The following UVRAG variants were observed in gnomAD, a reference collection of about 807,000 sequenced individuals.
UVRAG encodes the protein UV radiation resistance-associated gene protein.
Under a neutral mutation model 78.0 loss-of-function variants are expected in UVRAG, and 19 were observed. The ratio of observed to expected loss-of-function variants is 0.24; its 90% CI spans 0.17 to 0.36. The LOEUF is 0.36. UVRAG is among the 10% of genes least tolerant of loss of function. The pLI, the probability that UVRAG is intolerant of heterozygous loss-of-function variation, is 1.00. For missense variants in UVRAG, 740 were observed against 853.8 expected, an observed-to-expected ratio of 0.87 and a Z score of 1.66; for synonymous variants, 323 against 324.6, an observed-to-expected ratio of 1.00 and a Z score of 0.05.
At chr11:75,939,376 T>C (rs112795335) in intron 6 of UVRAG, among the ~76,000 whole-genome samples, 11 of 152,304 alleles carry the variant, frequency 7.2e-5, no homozygotes, top group South Asian at 2.1e-4. Context: ...GGGAGTTAGA[T>C]TCATATGATC....
intron 8 of UVRAG, among the ~76,000 whole-genome samples, chr11:75,996,040 A>G (rs932104124): frequency 6.6e-6 from 1 of 152,042 alleles, no homozygotes; most frequent in East Asian, 1.9e-4. Flanking sequence ...CAAACTTCTG[A>G]TTTTATTTCA....
chr11:76,062,282 T>C (rs1323073614), intron 12 of UVRAG, among the ~76,000 whole-genome samples: 1 of 152,196 alleles, frequency 6.6e-6, no homozygotes, highest in Admixed American at 6.5e-5. Context: ...TAAGTTAACT[T>C]AGGTCCCAAG....
chr11:76,128,701 C>T (rs1413757747), intron 14 of UVRAG, among the ~76,000 whole-genome samples: 2 of 152,082 alleles, frequency 1.3e-5, no homozygotes, highest in Non-Finnish European at 2.9e-5. Flanking sequence ...ACTGCAACCT[C>T]GAACTCCTGG....
intron 14 of UVRAG, among the ~76,000 whole-genome samples, chr11:76,120,057 TCTTC>T (rs1474961357): frequency 6.6e-6 from 1 of 152,170 alleles, no homozygotes; most frequent in Non-Finnish European, 1.5e-5. Context: ...GTGCTCTGTC[TCTTC>T]CTTCTTTCCT....
intron 6 of UVRAG, among the ~76,000 whole-genome samples, chr11:75,948,727 T>TA (rs1327302664): frequency 5.3e-5 from 8 of 152,194 alleles, no homozygotes; most frequent in African/African-American, 1.9e-4. Flanking sequence ...TAATTACCCA[T>TA]AGATACATAA....
At chr11:76,134,285 C>CG (rs1239002228) in intron 14 of UVRAG, among the ~76,000 whole-genome samples, 2 of 124,374 alleles carry the variant, frequency 1.6e-5, no homozygotes, top group Non-Finnish European at 3.3e-5. Flanking sequence ...TTTTGGTGGG[C>CG]GGGGGAGTCT....
chr11:75,958,226 A>T (rs1417038547), intron 6 of UVRAG, among the ~76,000 whole-genome samples: 1 of 152,162 alleles, frequency 6.6e-6, no homozygotes, highest in African/African-American at 2.4e-5. Flanking sequence ...ATGAAGTTTG[A>T]CATATCAGTT....
rs749016585 is a variant in UVRAG at position 75,911,990 on chromosome 11, G to A, written c.544G>A (p.Val182Met). The change falls in exon 6 of 15, where the codon GTG becomes ATG. Residue 182 changes from valine (V) to methionine (M), a missense_variant. Transcript: ENST00000356136. ...TGCTCAGAAGACTATTCTTCTGCAGGTGGATCAGAACTGTGTTCGCAATTC... is the reference window on the plus strand; with the variant it reads ...TGCTCAGAAGACTATTCTTCTGCAGATGGATCAGAACTGTGTTCGCAATTC... ...SNAQKTILLQ[V>M]DQNCVRNSYD... The A allele has an allele frequency of 2.5e-6, 4 of 1,613,430 alleles. No homozygotes were observed. The South Asian group carries it at 3.3e-5, about 13-fold the overall frequency.
At chr11:75,991,780 G>A (rs1949611359) in intron 8 of UVRAG, among the ~76,000 whole-genome samples, 1 of 152,046 alleles carries the variant, frequency 6.6e-6, no homozygotes, top group South Asian at 2.1e-4. Flanking sequence ...TTGCCTATTA[G>A]GATAGAAAGA....
intron 6 of UVRAG, among the ~76,000 whole-genome samples, chr11:75,959,187 A>G (rs1429976017): frequency 6.6e-6 from 1 of 152,204 alleles, no homozygotes; most frequent in Non-Finnish European, 1.5e-5. Flanking sequence ...CCCTAGTAAA[A>G]GAGTCAGTCT....
At chr11:75,935,711 C>T (rs192777509) in intron 6 of UVRAG, among the ~76,000 whole-genome samples, 2 of 151,882 alleles carry the variant, frequency 1.3e-5, no homozygotes, top group East Asian at 1.9e-4. Context: ...AGAGCTTTCC[C>T]CCTGCTAACC....
At chr11:75,991,125 G>A (rs1949598079) in intron 8 of UVRAG, among the ~76,000 whole-genome samples, 1 of 152,138 alleles carries the variant, frequency 6.6e-6, no homozygotes, top group Non-Finnish European at 1.5e-5. Context: ...AAGGAATAAT[G>A]CCATTTAAAA....
intron 7 of UVRAG, among the ~76,000 whole-genome samples, chr11:75,968,518 AT>A (rs1055730975): frequency 6.6e-6 from 1 of 152,194 alleles, no homozygotes; most frequent in African/African-American, 2.4e-5. Context: ...GACTTGATAT[AT>A]TTCTGTAAAT....
chr11:76,058,054 C>T lies in UVRAG; in HGVS notation c.1227-7656C>T, dbSNP rs575703172. Among the ~76,000 whole-genome samples, 5 of 152,082 alleles carry T rather than the reference C, an allele frequency of 3.3e-5. No homozygotes were observed. The South Asian group carries it at 1.0e-3, about 32-fold the overall frequency. On this transcript the variant is annotated intron_variant, in intron 12 of 14. Coordinates refer to ENST00000356136, the MANE Select transcript of UVRAG (RefSeq NM_003369.4). ...CATAGCCAACCAAGAACTGGTTGCT[C>T]CTGATAGTAGGTCATCCCACCAGTT...
intron 8 of UVRAG, among the ~76,000 whole-genome samples, chr11:75,998,587 G>A (rs756001872): frequency 2.0e-5 from 3 of 152,166 alleles, no homozygotes; most frequent in South Asian, 2.1e-4. Flanking sequence ...TCAAGGCAAC[G>A]AAGTAGCTTG....
At chr11:75,928,618 T>C (rs771381511) in intron 6 of UVRAG, among the ~76,000 whole-genome samples, 4 of 150,750 alleles carry the variant, frequency 2.7e-5, no homozygotes, top group Non-Finnish European at 3.0e-5. Context: ...AAAAGGTTGC[T>C]GATTGGTTGA....
chr11:76,034,599 A>G (rs1333532295), intron 12 of UVRAG, among the ~76,000 whole-genome samples: 2 of 152,266 alleles, frequency 1.3e-5, no homozygotes, highest in African/African-American at 2.4e-5. Flanking sequence ...CATAAGGTCA[A>G]TGTGGGTGGT....
At chr11:76,075,729 C>T (rs1264470477) in intron 13 of UVRAG, among the ~76,000 whole-genome samples, 1 of 152,194 alleles carries the variant, frequency 6.6e-6, no homozygotes, top group African/African-American at 2.4e-5. Flanking sequence ...CCTGTACCCA[C>T]TAGTAGTCAT....
At chr11:76,008,098 G>A (rs1482486501) in intron 10 of UVRAG, among the ~76,000 whole-genome samples, 2 of 151,926 alleles carry the variant, frequency 1.3e-5, no homozygotes, top group Non-Finnish European at 2.9e-5. Context: ...TTTTTAGAGA[G>A]ACAGGGTTTC....
Sources: gnomAD v4.1 joint callset for allele counts (sites outside exome capture counted in the v4.1 genomes callset) on GRCh38, gnomAD v4.1.1 for gene constraint, MANE v1.5 for transcripts, NCBI Gene and HGNC (gene_info 2026-07-23, HGNC 2026-07-21) for gene names.